The following WWOX variants were observed in gnomAD, a reference collection of about 807,000 sequenced individuals.
WWOX encodes the protein WW domain-containing oxidoreductase.
In WWOX, 69 loss-of-function variants were observed where a neutral mutation model predicts 46.2. The ratio of observed to expected loss-of-function variants is 1.49; its 90% CI spans 1.23 to 1.82. WWOX has a LOEUF of 1.82. Among genes scored for constraint, WWOX ranks in the 40% most tolerant of loss-of-function variants. WWOX has a pLI of 0.00. For synonymous variants in WWOX, 359 were observed against 202.6 expected, an observed-to-expected ratio of 1.77 and a Z score of -6.56; for missense variants, 919 against 542.6, an observed-to-expected ratio of 1.69 and a Z score of -6.89.
At chr16:79,076,239 C>A (rs572401274) in intron 8 of WWOX, among the ~76,000 whole-genome samples, 2 of 152,332 alleles carry the variant, frequency 1.3e-5, no homozygotes, top group East Asian at 3.9e-4. Flanking sequence ...TGACCACACA[C>A]AGTGTCGTGT....
At chr16:79,193,765 A>C (rs1343330864) in intron 8 of WWOX, among the ~76,000 whole-genome samples, 1 of 152,200 alleles carries the variant, frequency 6.6e-6, no homozygotes, top group Non-Finnish European at 1.5e-5. Context: ...TGAAGATTGC[A>C]AAGCCCAGCT....
chr16:78,801,365 C>T (rs1275743199), intron 8 of WWOX, among the ~76,000 whole-genome samples: 5 of 152,072 alleles, frequency 3.3e-5, no homozygotes, highest in African/African-American at 1.2e-4. Flanking sequence ...CAAAAATTAG[C>T]TGGGTGTGGT....
chr16:79,191,975 C>G (rs187390795), intron 8 of WWOX, among the ~76,000 whole-genome samples: 5 of 152,298 alleles, frequency 3.3e-5, no homozygotes, highest in Admixed American at 2.0e-4. Context: ...CTAAAAATGG[C>G]TTAAAATACC....
At chr16:78,616,469 A>G (rs2046027589) in intron 8 of WWOX, among the ~76,000 whole-genome samples, 1 of 151,506 alleles carries the variant, frequency 6.6e-6, no homozygotes, top group Non-Finnish European at 1.5e-5. Flanking sequence ...ATCTTTTAAA[A>G]GGGCACTAAT....
intron 6 of WWOX, among the ~76,000 whole-genome samples, chr16:78,419,736 CAAT>C (rs1427073623): frequency 1.4e-5 from 2 of 147,842 alleles, no homozygotes; most frequent in African/African-American, 5.0e-5. Context: ...TTGGCTTAGA[CAAT>C]GATTTCTTGG....
intron 8 of WWOX, among the ~76,000 whole-genome samples, chr16:78,507,379 G>T (rs1447981879): frequency 6.6e-6 from 1 of 152,124 alleles, no homozygotes; most frequent in Non-Finnish European, 1.5e-5. Context: ...AAGTCAAAAG[G>T]AAACAAACAA....
At chr16:78,673,810 A>G (rs1480111706) in intron 8 of WWOX, among the ~76,000 whole-genome samples, 1 of 152,186 alleles carries the variant, frequency 6.6e-6, no homozygotes, top group Non-Finnish European at 1.5e-5. Context: ...CTATATTTAA[A>G]TAGTGCAAGA....
At chr16:78,565,127 G>C (rs2044533780) in intron 8 of WWOX, among the ~76,000 whole-genome samples, 1 of 152,242 alleles carries the variant, frequency 6.6e-6, no homozygotes, top group Admixed American at 6.5e-5. Context: ...GCATAGCAGA[G>C]TAGAAGGAAC....
intron 8 of WWOX, among the ~76,000 whole-genome samples, chr16:79,031,987 T>C (rs2047770696): frequency 6.9e-6 from 1 of 144,542 alleles, no homozygotes; most frequent in South Asian, 2.1e-4. Flanking sequence ...AACGGGATGC[T>C]TTTTATTTTG....
rs1370090510 is a variant in WWOX at position 79,211,298 on chromosome 16, TTC to T, written c.1057-306_1057-305del. Among the ~76,000 whole-genome samples, 5 of 152,216 alleles carry T rather than the reference TTC, an allele frequency of 3.3e-5. No individual in the cohort carries two copies. In the East Asian group the frequency reaches 5.8e-4, roughly 18 times the overall value. On this transcript the variant is annotated intron_variant, in intron 8 of 8. Coordinates refer to ENST00000566780, the MANE Select transcript of WWOX (RefSeq NM_016373.4). ...GCACGTTCAGAAGGATACCATCTTT[TTC>T]TCTGTGTGGAAGAGGCGCCTGCCAC...
chr16:78,802,209 T>C (rs1419088083), intron 8 of WWOX, among the ~76,000 whole-genome samples: 5 of 149,128 alleles, frequency 3.4e-5, no homozygotes, highest in African/African-American at 1.2e-4. Flanking sequence ...TAGGTTTTTT[T>C]TTTTTTTTTT....
At chr16:78,558,821 C>T (rs2044365744) in intron 8 of WWOX, among the ~76,000 whole-genome samples, 1 of 152,228 alleles carries the variant, frequency 6.6e-6, no homozygotes, top group African/African-American at 2.4e-5. Flanking sequence ...CCAAGTGGCT[C>T]TTTCGGAAGA....
At chr16:78,560,207 C>A (rs1046582618) in intron 8 of WWOX, among the ~76,000 whole-genome samples, 1 of 152,100 alleles carries the variant, frequency 6.6e-6, no homozygotes. Flanking sequence ...GAAACAGGTA[C>A]CTTTTGTGGA....
chr16:78,169,321 C>G (rs748802667), intron 5 of WWOX, among the ~76,000 whole-genome samples: 2 of 152,100 alleles, frequency 1.3e-5, no homozygotes, highest in Non-Finnish European at 2.9e-5. Context: ...TGTGAGTTCT[C>G]TAAGTCTGGG....
intron 8 of WWOX, among the ~76,000 whole-genome samples, chr16:79,038,758 C>G (rs1036776623): frequency 2.6e-5 from 4 of 152,152 alleles, no homozygotes; most frequent in African/African-American, 9.7e-5. Flanking sequence ...CCATATTGGC[C>G]AGACTGCTCT....
chr16:79,001,792 TG>T (rs1454716644), intron 8 of WWOX, among the ~76,000 whole-genome samples: 1 of 152,174 alleles, frequency 6.6e-6, no homozygotes, highest in African/African-American at 2.4e-5. Context: ...AAAGCCTCTC[TG>T]CAGTGAACCT....
chr16:78,379,257 G>T (rs2081899061), intron 5 of WWOX, among the ~76,000 whole-genome samples: 1 of 152,156 alleles, frequency 6.6e-6, no homozygotes, highest in Admixed American at 6.5e-5. Flanking sequence ...TGTAAGGGAG[G>T]GGTAGATACA....
chr16:78,944,708 C>T (rs761766715), intron 8 of WWOX, among the ~76,000 whole-genome samples: 2 of 152,066 alleles, frequency 1.3e-5, no homozygotes, highest in African/African-American at 2.4e-5. Flanking sequence ...CCTGCAAAAG[C>T]CAACTTGAGA....
intron 8 of WWOX, among the ~76,000 whole-genome samples, chr16:79,132,121 T>G (rs2049890670): frequency 7.5e-6 from 1 of 132,526 alleles, no homozygotes; most frequent in South Asian, 2.5e-4. Flanking sequence ...ACCCAACACT[T>G]GCAGAAACAC....
Sources: allele counts gnomAD v4.1 joint callset (sites outside exome capture counted in the v4.1 genomes callset), GRCh38; gene constraint gnomAD v4.1.1; transcripts MANE v1.5; gene names NCBI Gene and HGNC (gene_info 2026-07-23, HGNC 2026-07-21).